The following TSC22D2 variants were observed in gnomAD, a reference collection of about 807,000 sequenced individuals.
TSC22D2 encodes TSC22 domain family protein 2.
In TSC22D2, 5 loss-of-function variants were observed where a neutral mutation model predicts 50.1. The ratio of observed to expected loss-of-function variants is 0.10; its 90% CI spans 0.05 to 0.21. TSC22D2 has a LOEUF of 0.21. TSC22D2 is among the 10% of genes least tolerant of loss of function. The pLI, the probability that TSC22D2 is intolerant of heterozygous loss-of-function variation, is 1.00. For synonymous variants in TSC22D2, 501 were observed against 450.1 expected (o/e 1.11, Z -1.43); for missense variants, 1,003 against 1,015.5 (o/e 0.99, Z 0.17).
rs1719412589 is a variant in TSC22D2, at chr3:150,409,473, A to G, written c.123A>G (p.Thr41=). The G allele has an allele frequency of 6.2e-7, 1 of 1,613,224 alleles. No individual in the cohort carries two copies. The highest frequency in any genetic ancestry group is 8.5e-7 in the Non-Finnish European group (1 of 1,179,758). The change falls in exon 1 of 3, where the codon ACA becomes ACG. Residue 41 remains threonine (T), a synonymous_variant. Coordinates refer to ENST00000688009, the MANE Select transcript of TSC22D2 (RefSeq NM_001303264.2). The surrounding 1 kb of genome is among the most constrained non-coding windows in gnomAD (Gnocchi z 7.4). ...TGGACGACCCGGACGAGTCACGCAC[A>G]GAGGACGTCTCCTCCGAGATTTTCG... ...ESLDDPDESR[T]EDVSSEIFDV... is the part of the protein sequence containing the mutation.
chr3:150,422,247 G>T (rs1425479196), intron 1 of TSC22D2, among the ~76,000 whole-genome samples: 1 of 152,224 alleles, frequency 6.6e-6, no homozygotes, highest in Non-Finnish European at 1.5e-5. Flanking sequence ...TATGGAAGTT[G>T]CTGAGGAGGA....
chr3:150,417,214 AAAT>A (rs1719845091), intron 1 of TSC22D2, among the ~76,000 whole-genome samples: 1 of 152,166 alleles, frequency 6.6e-6, no homozygotes, highest in Non-Finnish European at 1.5e-5. Flanking sequence ...CAATTATTGT[AAAT>A]AATGATGGCA....
intron 1 of TSC22D2, among the ~76,000 whole-genome samples, chr3:150,445,815 A>G (rs1720868583): frequency 6.6e-6 from 1 of 152,096 alleles, no homozygotes. Flanking sequence ...AGTTTGGATT[A>G]AAAGTCAGCT....
chr3:150,455,575 C>T (rs1053034694), intron 1 of TSC22D2, among the ~76,000 whole-genome samples: 9 of 152,116 alleles, frequency 5.9e-5, no homozygotes, highest in African/African-American at 1.4e-4. Flanking sequence ...TTGACATCAA[C>T]CCCTTGTTTT....
At position 150,409,869 on chromosome 3, in the gene TSC22D2, G is replaced by T; in HGVS notation, c.519G>T (p.Glu173Asp). ...TCAAGCTGGACCACGGGAGCGGAGA[G>T]CCCTATAGACGCGGCCGATGGACGT... ...RVIKLDHGSG[E>D]PYRRGRWTCM... The change falls in exon 1 of 3, where the codon GAG (glutamate) becomes GAT (aspartate). Residue 173 changes from glutamate (E) to aspartate (D), a missense_variant. By Grantham distance (45) the Glu-to-Asp change is conservative (BLOSUM62 2). This residue lies in a region of TSC22D2 where 19 missense variants were observed against 41.3 expected (regional missense o/e 0.46). Transcript: ENST00000688009. The surrounding 1 kb of genome is among the most constrained non-coding windows in gnomAD (Gnocchi z 7.4). The T allele has an allele frequency of 6.2e-7, 1 of 1,611,868 alleles. No individual in the cohort carries two copies.
intron 1 of TSC22D2, among the ~76,000 whole-genome samples, chr3:150,446,241 T>A (rs1191255714): frequency 5.9e-5 from 9 of 152,148 alleles, no homozygotes; most frequent in African/African-American, 2.2e-4. Context: ...GACCCCAGAA[T>A]GAAGTGGAGA....
At chr3:150,434,832 A>G (rs972939869) in intron 1 of TSC22D2, among the ~76,000 whole-genome samples, 1 of 148,214 alleles carries the variant, frequency 6.7e-6, no homozygotes, top group Non-Finnish European at 1.5e-5. Context: ...GTATGTGTAT[A>G]TATGTACATA....
At chr3:150,429,433 C>T (rs1720307835) in intron 1 of TSC22D2, among the ~76,000 whole-genome samples, 1 of 152,118 alleles carries the variant, frequency 6.6e-6, no homozygotes, top group South Asian at 2.1e-4. Flanking sequence ...AGGTTAACTT[C>T]ATTTAGAAAT....
rs930478197 is a variant in TSC22D2 at position 150,461,801 on chromosome 3, A to G, written c.*3165A>G. 2.6e-5 allele frequency: 4 copies of G among 152,114 alleles called. No homozygotes were observed. Among genetic ancestry groups the G allele is most frequent in the Non-Finnish European group, 4.4e-5 (3 of 68,014 alleles). 9.4% of individuals were successfully genotyped at this position (152,114 alleles called of 1,614,324 possible). A position where few individuals can be genotyped will look rare whatever the true frequency, so the allele number is the denominator to read the frequency against. ...TATTCACAAGAATTTTCACAGGTGA[A>G]TGATTATATTTCTCCAAGTTGCAAA... On this transcript the variant is annotated 3_prime_UTR_variant, in exon 3 of 3. Coordinates refer to ENST00000688009, the MANE Select transcript of TSC22D2 (RefSeq NM_001303264.2).
chr3:150,439,498 T>C (rs898998868), intron 1 of TSC22D2, among the ~76,000 whole-genome samples: 24 of 152,200 alleles, frequency 1.6e-4, no homozygotes, highest in African/African-American at 5.8e-4. Context: ...TTTTCTTTAT[T>C]TTCTATAATC....
At chr3:150,413,823 T>C (rs1033385462) in intron 1 of TSC22D2, among the ~76,000 whole-genome samples, 1 of 152,066 alleles carries the variant, frequency 6.6e-6, no homozygotes, top group Non-Finnish European at 1.5e-5. Context: ...ATTTAAACTT[T>C]GCAAGTAGTT....
chr3:150,429,813 C>G (rs1169563722), intron 1 of TSC22D2, among the ~76,000 whole-genome samples: 9 of 152,124 alleles, frequency 5.9e-5, no homozygotes, highest in Admixed American at 5.9e-4. Context: ...ATTATAGTTA[C>G]TTGCTATTTA....
In TSC22D2 at chr3:150,459,940, G is replaced by A. The variant is rs1340973680; in HGVS notation, c.*1304G>A. 1.3e-5 allele frequency: 2 copies of A among 151,800 alleles called. No individual in the cohort carries two copies. The highest frequency in any genetic ancestry group is 2.9e-5 in the Non-Finnish European group (2 of 67,948). 9.4% of individuals were successfully genotyped at this position (151,800 alleles called of 1,614,324 possible). A position where few individuals can be genotyped will look rare whatever the true frequency, so the allele number is the denominator to read the frequency against. On this transcript the variant is annotated 3_prime_UTR_variant, in exon 3 of 3. Transcript: ENST00000688009. ...GCAGATTTTAATGTATTTAATAAAT[G>A]CAACATGCAGATTAAGTGCAGTGTA... is the stretch of plus-strand genomic sequence containing the variant.
intron 1 of TSC22D2, among the ~76,000 whole-genome samples, chr3:150,446,217 C>G (rs1276361886): frequency 1.3e-5 from 2 of 152,042 alleles, no homozygotes; most frequent in Non-Finnish European, 2.9e-5. Flanking sequence ...ACTGTCTTAC[C>G]CCTCAGAATG....
At chr3:150,421,377 T>C (rs552585400) in intron 1 of TSC22D2, among the ~76,000 whole-genome samples, 1 of 152,194 alleles carries the variant, frequency 6.6e-6, no homozygotes, top group Middle Eastern at 3.4e-3. Context: ...TTCAATTGGT[T>C]CAGTTAGTTT....
chr3:150,458,308 G>C (rs1721259350), intron 2 of TSC22D2, 68 bp from the exon 3 acceptor site: 2 of 1,513,204 alleles, frequency 1.3e-6, no homozygotes, highest in African/African-American at 1.4e-5. Flanking sequence ...GCACCAAGTA[G>C]GCCAGAACCA....
At position 150,461,381 on chromosome 3, in the gene TSC22D2, T is replaced by C. The variant is rs990832947; in HGVS notation, c.*2745T>C. ...CCAAATAGTTGTAAATATTAACTGATTGAGATCCCAATTTGGAGGCACAGT... is the reference window on the plus strand; with the variant it reads ...CCAAATAGTTGTAAATATTAACTGACTGAGATCCCAATTTGGAGGCACAGT... On this transcript the variant is annotated 3_prime_UTR_variant, in exon 3 of 3. Coordinates refer to ENST00000688009, the MANE Select transcript of TSC22D2 (RefSeq NM_001303264.2). 1 of 152,202 alleles carries C rather than the reference T, an allele frequency of 6.6e-6. No individual in the cohort carries two copies. The highest frequency in any genetic ancestry group is 2.4e-5 in the African/African-American group (1 of 41,456). 9.4% of individuals were successfully genotyped at this position (152,202 alleles called of 1,614,324 possible). A position where few individuals can be genotyped will look rare whatever the true frequency, so the allele number is the denominator to read the frequency against.
intron 1 of TSC22D2, among the ~76,000 whole-genome samples, chr3:150,429,188 A>G (rs1386574427): frequency 1.3e-5 from 2 of 152,246 alleles, no homozygotes; most frequent in African/African-American, 4.8e-5. Flanking sequence ...AGAGAAACCA[A>G]TGGAGCTTCC....
intron 1 of TSC22D2, among the ~76,000 whole-genome samples, chr3:150,446,985 T>C (rs1448476162): frequency 2.0e-5 from 3 of 152,138 alleles, no homozygotes; most frequent in African/African-American, 7.2e-5. Context: ...TTTCAAGAAA[T>C]AGGCATAAAG....
Sources: allele counts gnomAD v4.1 joint callset (sites outside exome capture counted in the v4.1 genomes callset), GRCh38; gene constraint gnomAD v4.1.1; regional missense constraint gnomAD v4.1.1; non-coding constraint Gnocchi (gnomAD v3.1); transcripts MANE v1.5; gene names NCBI Gene and HGNC (gene_info 2026-07-23, HGNC 2026-07-21).